Variants in SENP7 observed in about 807,000 individuals in gnomAD.
SENP7 encodes sentrin-specific protease 7.
In SENP7, 64 loss-of-function variants were observed where a neutral mutation model predicts 141.2. The observed-to-expected ratio is 0.45, with a 90% CI of 0.37 to 0.56. The LOEUF is 0.56. Ranked by LOEUF, SENP7 falls within the 20% of genes least tolerant of loss-of-function variation. The pLI, the probability that SENP7 is intolerant of heterozygous loss-of-function variation, is 0.00. For missense variants in SENP7, 1,025 were observed against 1,212.2 expected (o/e 0.85, Z 2.29); for synonymous variants, 382 against 426.4 (o/e 0.90, Z 1.28).
chr3:101,371,361 C>A (rs2060176296), intron 7 of SENP7, among the ~76,000 whole-genome samples: 1 of 152,116 alleles, frequency 6.6e-6, no homozygotes, highest in Admixed American at 6.6e-5. Flanking sequence ...GAGACTTCAA[C>A]AACATTTGAA....
At chr3:101,513,025 G>A in intron 1 of SENP7, 66 bp downstream of exon 1, 1 of 1,471,798 alleles carries the variant, frequency 6.8e-7, no homozygotes. Context: ...CCCAGCTGCC[G>A]CCTGCGCCTC....
chr3:101,468,546 C>G (rs2107949951), intron 3 of SENP7, among the ~76,000 whole-genome samples: 1 of 152,144 alleles, frequency 6.6e-6, no homozygotes, highest in East Asian at 1.9e-4. Context: ...AGAGTGGGGG[C>G]CAATATTCAA....
At chr3:101,510,387 T>C (rs1016520252) in intron 1 of SENP7, among the ~76,000 whole-genome samples, 8 of 152,232 alleles carry the variant, frequency 5.3e-5, no homozygotes, top group Admixed American at 3.3e-4. Flanking sequence ...CATTTTACAG[T>C]TCTTCCTTGT....
chr3:101,488,891 T>G (rs1280433698), intron 3 of SENP7, among the ~76,000 whole-genome samples: 1 of 151,830 alleles, frequency 6.6e-6, no homozygotes, highest in Admixed American at 6.6e-5. Flanking sequence ...AAAGAAAAAA[T>G]CTTAAAGGCA....
At chr3:101,438,979 C>G (rs1260135126) in intron 4 of SENP7, among the ~76,000 whole-genome samples, 3 of 139,226 alleles carry the variant, frequency 2.2e-5, no homozygotes, top group Non-Finnish European at 4.8e-5. Context: ...AGGAGTGTCT[C>G]TGCCTGGCTG....
At chr3:101,475,042 C>T (rs2064160095) in intron 3 of SENP7, among the ~76,000 whole-genome samples, 1 of 151,962 alleles carries the variant, frequency 6.6e-6, no homozygotes, top group Non-Finnish European at 1.5e-5. Flanking sequence ...TATATATATC[C>T]CATGTAAATG....
Position 101,347,977 on chromosome 3 carries a change from C to T in SENP7, c.1732G>A (p.Asp578Asn). Reference sequence around the variant, plus strand: ...GCATGACTCCTTTTACTGTGATTATCATCCTTACTTTTCCATAACCCAAAC... The same window carrying T: ...GCATGACTCCTTTTACTGTGATTATTATCCTTACTTTTCCATAACCCAAAC... ...KRFGLWKSKDDNHSKRSHAIL... is the reference protein window; with the variant it reads ...KRFGLWKSKDNNHSKRSHAIL... Residue 578 changes from aspartate (D) to asparagine (N), a missense_variant, in exon 13 of 24, where the codon GAT becomes AAT. By Grantham distance (23) the Asp-to-Asn change is conservative. Transcript: ENST00000394095. The T allele has an allele frequency of 6.2e-7, 1 of 1,611,496 alleles. No individual in the cohort carries two copies. Among genetic ancestry groups the T allele is most frequent in the Non-Finnish European group, 8.5e-7 (1 of 1,178,290 alleles).
At chr3:101,367,423 A>T (rs955562395) in intron 8 of SENP7, among the ~76,000 whole-genome samples, 18 of 152,068 alleles carry the variant, frequency 1.2e-4, no homozygotes, top group African/African-American at 4.3e-4. Context: ...AGAAGCTTAA[A>T]GAATTTGATA....
chr3:101,460,924 C>G (rs2063524553), intron 3 of SENP7, among the ~76,000 whole-genome samples: 1 of 151,518 alleles, frequency 6.6e-6, no homozygotes, highest in Non-Finnish European at 1.5e-5. Flanking sequence ...TAGTAAGACC[C>G]CATCTCTTAA....
intron 4 of SENP7, among the ~76,000 whole-genome samples, chr3:101,418,414 C>T (rs1028173927): frequency 5.3e-5 from 8 of 151,772 alleles, no homozygotes; most frequent in African/African-American, 1.9e-4. Flanking sequence ...CATCTTTATG[C>T]TGAATATTTG....
Position 101,332,229 on chromosome 3 carries a change from G to A in SENP7, c.2574-120C>T, listed in dbSNP as rs183485129. 64 of 945,934 alleles carry A rather than the reference G, an allele frequency of 6.8e-5. No homozygotes were observed. In the African/African-American group the frequency reaches 9.8e-4, roughly 14 times the overall value. The allele number at this position is 945,934 out of a possible 1,614,324, so 58.6% of individuals were successfully genotyped here. ...CATATTAATTTTGAAGACATCCACTGTAACATCTCATTATAATATAGAGCA... is the reference window on the plus strand; with the variant it reads ...CATATTAATTTTGAAGACATCCACTATAACATCTCATTATAATATAGAGCA... On this transcript the variant is annotated intron_variant, in intron 18 of 23. Coordinates refer to ENST00000394095, the MANE Select transcript of SENP7 (RefSeq NM_020654.5).
intron 4 of SENP7, chr3:101,457,327 G>A: frequency 1.4e-6 from 2 of 1,416,158 alleles, no homozygotes; most frequent in Non-Finnish European, 9.9e-7. Flanking sequence ...GTAGCAAGTG[G>A]TGCTTTTCCA....
chr3:101,445,593 T>G (rs1399588692), intron 4 of SENP7, among the ~76,000 whole-genome samples: 1 of 152,036 alleles, frequency 6.6e-6, no homozygotes, highest in Non-Finnish European at 1.5e-5. Context: ...ATTCTCCAAT[T>G]TAAAAATGTT....
chr3:101,361,018 A>G (rs1158557905), intron 11 of SENP7, among the ~76,000 whole-genome samples: 1 of 152,146 alleles, frequency 6.6e-6, no homozygotes, highest in African/African-American at 2.4e-5. Context: ...GGCTTGGCGA[A>G]CATGGTGAAG....
intron 13 of SENP7, among the ~76,000 whole-genome samples, chr3:101,345,383 C>A (rs547208156): frequency 8.5e-5 from 13 of 152,300 alleles, no homozygotes; most frequent in Non-Finnish European, 1.5e-4. Context: ...TCTATGATTT[C>A]TTTCAGCAGT....
At chr3:101,370,429 G>C (rs2060147915) in intron 7 of SENP7, among the ~76,000 whole-genome samples, 1 of 152,128 alleles carries the variant, frequency 6.6e-6, no homozygotes, top group South Asian at 2.1e-4. Flanking sequence ...TGGTCCCAGG[G>C]ACCCAGGATA....
intron 4 of SENP7, among the ~76,000 whole-genome samples, chr3:101,430,622 T>A (rs1000877252): frequency 1.3e-5 from 2 of 152,210 alleles, no homozygotes; most frequent in Non-Finnish European, 2.9e-5. Context: ...ATTTTGTTGA[T>A]CTTTTCAAAA....
intron 6 of SENP7, among the ~76,000 whole-genome samples, chr3:101,389,327 C>G (rs1163995185): frequency 6.6e-6 from 1 of 151,998 alleles, no homozygotes; most frequent in Admixed American, 6.6e-5. Context: ...AGATACAATA[C>G]AAAGGTCTTC....
intron 5 of SENP7, among the ~76,000 whole-genome samples, chr3:101,404,973 A>G (rs2061256465): frequency 1.3e-5 from 2 of 152,188 alleles, no homozygotes; most frequent in Admixed American, 1.3e-4. Context: ...ACAGCCCTCA[A>G]AACACCTTGA....
Sources: gnomAD v4.1 joint callset for allele counts (sites outside exome capture counted in the v4.1 genomes callset) on GRCh38, gnomAD v4.1.1 for gene constraint, MANE v1.5 for transcripts, NCBI Gene and HGNC (gene_info 2026-07-23, HGNC 2026-07-21) for gene names.